Variants in TMC2 observed in about 807,000 individuals in gnomAD.
TMC2 encodes the protein transmembrane channel like 2.
TMC2 carries 102 observed loss-of-function variants against 105.9 expected under a neutral mutation model. The observed-to-expected ratio is 0.96, with a 90% CI of 0.82 to 1.14. The LOEUF (loss-of-function observed/expected upper bound fraction) is 1.14. Ranked by LOEUF, TMC2 falls within the 50% of genes most tolerant of loss-of-function variation. The pLI, the probability that TMC2 is intolerant of heterozygous loss-of-function variation, is 0.00. For missense variants in TMC2, 1,093 were observed against 1,134.3 expected, an observed-to-expected ratio of 0.96 and a Z score of 0.52; for synonymous variants, 402 against 422.8, an observed-to-expected ratio of 0.95 and a Z score of 0.60.
intron 17 of TMC2, among the ~76,000 whole-genome samples, chr20:2,633,315 C>T (rs1427952405): frequency 1.4e-5 from 1 of 72,100 alleles, no homozygotes; most frequent in Non-Finnish European, 3.0e-5. Context: ...TCAAGTCTTT[C>T]TTGGACACAT....
chr20:2,610,950 G>A lies in TMC2; in HGVS notation c.1593+352G>A, dbSNP rs187396347. ...TAAGGGGCTATGTCATTACTTAACCGTTTATCAATGCTCACCACACAATTA... is the reference window on the plus strand; with the variant it reads ...TAAGGGGCTATGTCATTACTTAACCATTTATCAATGCTCACCACACAATTA... On this transcript the variant is annotated intron_variant, in intron 12 of 19. Coordinates refer to ENST00000358864, the MANE Select transcript of TMC2 (RefSeq NM_080751.3). 2.1e-4 allele frequency among the ~76,000 whole-genome samples: 32 copies of A among 152,246 alleles called. No individual in the cohort carries two copies. The East Asian group carries it at 2.9e-3, about 14-fold the overall frequency.
chr20:2,561,766 C>T, intron 3 of TMC2, 92 bp from the exon 4 acceptor site: 1 of 1,451,654 alleles, frequency 6.9e-7, no homozygotes, highest in South Asian at 1.4e-5. Context: ...GAAGGGGTGC[C>T]ATCTTCCATG....
chr20:2,602,764 A>G (rs1381734817), intron 11 of TMC2, among the ~76,000 whole-genome samples: 1 of 152,268 alleles, frequency 6.6e-6, no homozygotes, highest in African/African-American at 2.4e-5. Flanking sequence ...AAAACACATT[A>G]AGGTTTTATT....
intron 5 of TMC2, among the ~76,000 whole-genome samples, chr20:2,576,652 C>T (rs1178557519): frequency 6.6e-6 from 1 of 152,202 alleles, no homozygotes; most frequent in Non-Finnish European, 1.5e-5. Flanking sequence ...GGATTATTAA[C>T]TTACAAGAAG....
chr20:2,593,862 C>T (rs2086285757), intron 8 of TMC2, among the ~76,000 whole-genome samples: 1 of 152,116 alleles, frequency 6.6e-6, no homozygotes, highest in South Asian at 2.1e-4. Context: ...ATTGGGTTTA[C>T]AAAGGAACTG....
chr20:2,587,884 A>G (rs1401292277), intron 7 of TMC2, among the ~76,000 whole-genome samples: 2 of 152,096 alleles, frequency 1.3e-5, no homozygotes, highest in African/African-American at 2.4e-5. Flanking sequence ...GTATCCTTTG[A>G]CCAACATTTC....
chr20:2,536,718 G>A (rs1029821671), intron 1 of TMC2, 63 bp downstream of exon 1: 25 of 1,531,222 alleles, frequency 1.6e-5, no homozygotes, highest in South Asian at 6.0e-5. Flanking sequence ...AGCAGGGGAT[G>A]GGGGAAGCAC....
At chr20:2,548,515 G>C (rs1239380474) in intron 2 of TMC2, among the ~76,000 whole-genome samples, 1 of 152,010 alleles carries the variant, frequency 6.6e-6, no homozygotes, top group Non-Finnish European at 1.5e-5. Flanking sequence ...GAGCATGCCT[G>C]TAATCCCAGC....
intron 2 of TMC2, among the ~76,000 whole-genome samples, chr20:2,551,718 G>A (rs963795199): frequency 6.6e-6 from 1 of 151,954 alleles, no homozygotes; most frequent in Non-Finnish European, 1.5e-5. Flanking sequence ...TTGGCCTATG[G>A]GTGCCCAGTT....
chr20:2,565,777 C>T lies in TMC2; in HGVS notation c.554+3767C>T, dbSNP rs536624402. On this transcript the variant is annotated intron_variant, in intron 4 of 19. Coordinates refer to ENST00000358864, the MANE Select transcript of TMC2 (RefSeq NM_080751.3). Reference sequence around the variant, plus strand: ...TGCTAGTGCTGGGTGTGGTGGCTCACACCTATAATCCCAGCACTTTGGGAG... The same window carrying T: ...TGCTAGTGCTGGGTGTGGTGGCTCATACCTATAATCCCAGCACTTTGGGAG... 9.9e-5 allele frequency among the ~76,000 whole-genome samples: 15 copies of T among 152,206 alleles called. No homozygotes were observed. The East Asian group carries it at 2.5e-3, about 25-fold the overall frequency.
rs1369075511 is a variant in TMC2, at chr20:2,592,632, A to T, written c.933+224A>T. ...ACACTCTGACAGATGTGGGCTCCCC[A>T]TGCAGCCACTGCACCTCTCTGTCTG... On this transcript the variant is annotated intron_variant, in intron 8 of 19. Transcript: ENST00000358864. This position sits in a 1 kb window ranked among gnomAD's most constrained non-coding sequence, Gnocchi z 4.9. Among the ~76,000 whole-genome samples the T allele has an allele frequency of 6.6e-6, 1 of 152,108 alleles. No homozygotes were observed. The highest frequency in any genetic ancestry group is 1.5e-5 in the Non-Finnish European group (1 of 68,014).
In TMC2 at chr20:2,602,321, T is replaced by C. The variant is rs2086358145; in HGVS notation, c.1413+20T>C. The C allele has an allele frequency of 6.5e-7, 1 of 1,549,086 alleles. No individual in the cohort carries two copies. Among genetic ancestry groups the C allele is most frequent in the Non-Finnish European group, 8.7e-7 (1 of 1,145,472 alleles). The stretch of plus-strand genomic sequence containing the variant: ...AATGAGGTAAGAAAAACATCGCTGA[T>C]GAACTGAAGGTTGATGGCAAATACT... On this transcript the variant is annotated intron_variant, in intron 11 of 19. Coordinates refer to ENST00000358864, the MANE Select transcript of TMC2 (RefSeq NM_080751.3).
At chr20:2,636,496 A>G (rs1242772797) in intron 18 of TMC2, among the ~76,000 whole-genome samples, 2 of 149,408 alleles carry the variant, frequency 1.3e-5, no homozygotes, top group South Asian at 2.1e-4. Flanking sequence ...ACACACACGC[A>G]CACACCCTAA....
intron 9 of TMC2, 35 bp from the exon 10 acceptor site, chr20:2,597,116 G>A: frequency 6.3e-7 from 1 of 1,597,062 alleles, no homozygotes; most frequent in Non-Finnish European, 8.6e-7. Context: ...AGCAGAAAGA[G>A]GGCAGACGTC....
intron 2 of TMC2, among the ~76,000 whole-genome samples, chr20:2,541,504 G>A (rs1369032736): frequency 6.6e-6 from 1 of 152,036 alleles, no homozygotes; most frequent in Non-Finnish European, 1.5e-5. Flanking sequence ...AGGCAGGTGT[G>A]GTGGCACACA....
intron 16 of TMC2, among the ~76,000 whole-genome samples, chr20:2,621,862 A>T (rs1003194833): frequency 6.6e-6 from 1 of 152,148 alleles, no homozygotes; most frequent in Non-Finnish European, 1.5e-5. Flanking sequence ...GAACTGTAAG[A>T]TATTAAATTT....
Position 2,558,361 on chromosome 20 carries a change from G to A in TMC2, c.83-95G>A, listed in dbSNP as rs2085997559. On this transcript the variant is annotated intron_variant, in intron 2 of 19. Coordinates refer to ENST00000358864, the MANE Select transcript of TMC2 (RefSeq NM_080751.3). This position sits in a 1 kb window ranked among gnomAD's most constrained non-coding sequence, Gnocchi z 4.6. ...GCCCCGCAGAGCTCACAAGCTCTCG[G>A]AATCATCTTGGACGTCTGATTTCTC... The A allele has an allele frequency of 3.9e-6, 6 of 1,519,940 alleles. No homozygotes were observed. Among genetic ancestry groups the A allele is most frequent in the East Asian group, 2.5e-5 (1 of 40,662 alleles). 94.2% of individuals were successfully genotyped at this position (1,519,940 alleles called of 1,614,324 possible).
At chr20:2,573,821 A>G (rs1294015584) in intron 5 of TMC2, among the ~76,000 whole-genome samples, 2 of 151,882 alleles carry the variant, frequency 1.3e-5, no homozygotes, top group African/African-American at 2.4e-5. Flanking sequence ...CGGCCTCCCA[A>G]AGTGCTGGGA....
chr20:2,599,417 A>G (rs1282617206), intron 10 of TMC2, among the ~76,000 whole-genome samples: 1 of 151,654 alleles, frequency 6.6e-6, no homozygotes, highest in African/African-American at 2.4e-5. Flanking sequence ...TAAAATAACC[A>G]TCCAGCTGGG....
Sources: allele counts gnomAD v4.1 joint callset (sites outside exome capture counted in the v4.1 genomes callset), GRCh38; gene constraint gnomAD v4.1.1; non-coding constraint Gnocchi (gnomAD v3.1); transcripts MANE v1.5; gene names NCBI Gene and HGNC (gene_info 2026-07-23, HGNC 2026-07-21).